The following XIAP variants were observed in gnomAD, a reference collection of about 807,000 sequenced individuals.
The protein encoded by XIAP is E3 ubiquitin-protein ligase XIAP.
XIAP carries 3 observed loss-of-function variants against 33.1 expected under a neutral mutation model. The observed-to-expected ratio is 0.09, with a 90% CI of 0.04 to 0.23. The LOEUF is 0.23. Ranked by LOEUF, XIAP falls within the 10% of genes least tolerant of loss-of-function variation. The pLI is 1.00. For missense variants in XIAP, 264 were observed against 363.0 expected (o/e 0.73, Z 2.22); for synonymous variants, 98 against 121.3 (o/e 0.81, Z 1.26).
intron 1 of XIAP, among the ~76,000 whole-genome samples, chrX:123,880,901 T>G (rs752261825): frequency 1.2e-3 from 137 of 110,560 alleles, no homozygotes; most frequent in African/African-American, 4.3e-3. Flanking sequence ...GTGGCTCTCT[T>G]TACGCAGTTG....
chrX:123,894,072 A>G (rs1054041101), intron 5 of XIAP, among the ~76,000 whole-genome samples: 27 of 111,953 alleles, frequency 2.4e-4, no homozygotes, highest in African/African-American at 7.8e-4. Flanking sequence ...GATAAGCCCT[A>G]ACCCACCTGC....
At chrX:123,902,311 A>G (rs1461976149) in intron 6 of XIAP, among the ~76,000 whole-genome samples, 1 of 110,949 alleles carries the variant, frequency 9.0e-6, no homozygotes, top group East Asian at 2.8e-4. Flanking sequence ...GGAGAGCCTA[A>G]GGGTTGGAAT....
At chrX:123,869,033 A>T (rs1049378371) in intron 1 of XIAP, among the ~76,000 whole-genome samples, 1 of 110,566 alleles carries the variant, frequency 9.0e-6, no homozygotes, top group African/African-American at 3.3e-5. Context: ...GTGAAAAGTC[A>T]CGTTTACCTG....
At chrX:123,871,795 C>T (rs753366453) in intron 1 of XIAP, among the ~76,000 whole-genome samples, 5 of 110,992 alleles carry the variant, frequency 4.5e-5, no homozygotes, top group Admixed American at 2.0e-4. Context: ...AATTTTTGCT[C>T]GTGAGTGTCT....
At position 123,900,655 on chromosome X, in the gene XIAP, G is replaced by A. The variant is rs1449553232; in HGVS notation, c.1262G>A (p.Ser421Asn). ...GATCTAGTGAATGCTCAGAAAGACA[G>A]TATGCAAGATGAGTCAAGTCAGACT... is the stretch of plus-strand genomic sequence containing the variant. ...VADLVNAQKDSMQDESSQTSL... is the reference protein window; with the variant it reads ...VADLVNAQKDNMQDESSQTSL... The change falls in exon 6 of 7, where the codon AGT becomes AAT. Residue 421 changes from serine (S) to asparagine (N), a missense_variant. Physicochemically the swap from Ser to Asn is conservative, Grantham distance 46. Coordinates refer to ENST00000371199, the MANE Select transcript of XIAP (RefSeq NM_001167.4). 4.1e-6 allele frequency: 5 copies of A among 1,211,638 alleles called. No homozygotes were observed. The highest frequency in any genetic ancestry group is 2.2e-5 in the Admixed American group (1 of 45,976).
chrX:123,874,153 A>G (rs967815226), intron 1 of XIAP, among the ~76,000 whole-genome samples: 1 of 111,887 alleles, frequency 8.9e-6, no homozygotes, highest in Non-Finnish European at 1.9e-5. Flanking sequence ...AGAGGGAGGA[A>G]GCATTGTCAC....
At chrX:123,861,381 T>C (rs1211981937) in intron 1 of XIAP, among the ~76,000 whole-genome samples, 2 of 111,657 alleles carry the variant, frequency 1.8e-5, no homozygotes, top group Non-Finnish European at 3.8e-5. Context: ...GGTACCACTT[T>C]CTATGTATTT....
chrX:123,900,411 A>T, intron 5 of XIAP, 82 bp from the exon 6 acceptor site: 1 of 855,390 alleles, frequency 1.2e-6, no homozygotes, highest in South Asian at 2.3e-5. Flanking sequence ...TTTCATTTTA[A>T]CTATATTTTG....
rs1421225922 is a variant in XIAP at position 123,884,096 on chromosome X, C to T, written c.-32-1535C>T. 4.5e-5 allele frequency among the ~76,000 whole-genome samples: 5 copies of T among 112,308 alleles called. No homozygotes were observed. The Admixed American group carries it at 4.8e-4, about 11-fold the overall frequency. On this transcript the variant is annotated intron_variant, in intron 1 of 6. Coordinates refer to ENST00000371199, the MANE Select transcript of XIAP (RefSeq NM_001167.4). The stretch of plus-strand genomic sequence containing the variant: ...AGGAAAGACTGAAGTCCATTGCCAG[C>T]TTGCTTTGTGTTGAACATTACTCCA...
At chrX:123,899,718 GT>G (rs34067902) in intron 5 of XIAP, among the ~76,000 whole-genome samples, 18,960 of 100,456 alleles carry the variant, frequency 0.19, 1,377 homozygotes, top group South Asian at 0.38. Context: ...TGTGGCAATA[GT>G]TTTTTTTTTT....
At chrX:123,898,456 G>A (rs1478738821) in intron 5 of XIAP, among the ~76,000 whole-genome samples, 1 of 111,234 alleles carries the variant, frequency 9.0e-6, no homozygotes, top group Non-Finnish European at 1.9e-5. Context: ...TCCACCTCCG[G>A]GGGTCACGCC....
chrX:123,887,158 A>T (rs1296536280), intron 2 of XIAP, among the ~76,000 whole-genome samples: 1 of 111,828 alleles, frequency 8.9e-6, no homozygotes, highest in East Asian at 2.8e-4. Flanking sequence ...ACCTCAGGTG[A>T]TCCACCCGCC....
intron 1 of XIAP, among the ~76,000 whole-genome samples, chrX:123,863,383 G>A (rs1006294735): frequency 5.4e-5 from 6 of 110,231 alleles, no homozygotes; most frequent in Non-Finnish European, 9.5e-5. Context: ...CCCATGAGGC[G>A]GAGGTTGCCG....
At position 123,885,970 on chromosome X, in the gene XIAP, C is replaced by T. The variant is rs749157868; in HGVS notation, c.308C>T (p.Thr103Met). Residue 103 changes from threonine to methionine, a missense_variant, in exon 2 of 7, where the codon ACG becomes ATG. Thr to Met is a moderately conservative substitution (Grantham distance 81). Transcript: ENST00000371199. ...INGFYLENSA[T>M]QSTNSGIQNG... is the part of the protein sequence containing the mutation. ...GGCTTTTATCTTGAAAATAGTGCCA[C>T]GCAGTCTACAAATTCTGGTATCCAG... is the stretch of plus-strand genomic sequence containing the variant. 1.9e-5 allele frequency: 23 copies of T among 1,210,110 alleles called. No homozygotes were observed. In the Admixed American group the frequency reaches 2.0e-4, roughly 10 times the overall value.
chrX:123,886,708 A>G (rs947776760), intron 2 of XIAP, among the ~76,000 whole-genome samples, 169 bp downstream of exon 2: 5 of 111,235 alleles, frequency 4.5e-5, no homozygotes, highest in African/African-American at 9.8e-5. Context: ...CCTGTAATGT[A>G]ACTACTGAAT....
chrX:123,895,653 A>T (rs752291296), intron 5 of XIAP, among the ~76,000 whole-genome samples: 6 of 110,889 alleles, frequency 5.4e-5, no homozygotes, highest in Non-Finnish European at 9.4e-5. Context: ...ATGGTATCTC[A>T]TTGTGGTTTT....
At position 123,907,686 on chromosome X, in the gene XIAP, C is replaced by G. The variant is rs946560322; in HGVS notation, c.*505C>G. On this transcript the variant is annotated 3_prime_UTR_variant, in exon 7 of 7. Transcript: ENST00000371199. ...TGGTTGTTGTGTTTTAGGATTCTGT[C>G]CATTTTCTTTTAAAGTTATAAACAC... 2.7e-6 allele frequency: 1 copy of G among 374,362 alleles called. No homozygotes were observed. The highest frequency in any genetic ancestry group is 2.5e-5 in the African/African-American group (1 of 39,943). The allele number at this position is 374,362 out of a possible 1,213,427, so 30.9% of individuals were successfully genotyped here.
At chrX:123,895,567 A>G (rs1236257146) in intron 5 of XIAP, among the ~76,000 whole-genome samples, 2 of 111,985 alleles carry the variant, frequency 1.8e-5, no homozygotes, top group Admixed American at 9.6e-5. Context: ...CATTCCTACC[A>G]GAAGTGTATG....
chrX:123,906,801 C>T (rs1337708956), intron 6 of XIAP, among the ~76,000 whole-genome samples, 187 bp from the exon 7 acceptor site: 2 of 112,085 alleles, frequency 1.8e-5, no homozygotes, highest in Non-Finnish European at 3.8e-5. Flanking sequence ...AACCTCCTAG[C>T]CTCATCTTAC....
Sources: gnomAD v4.1 joint callset for allele counts (sites outside exome capture counted in the v4.1 genomes callset) on GRCh38, gnomAD v4.1.1 for gene constraint, MANE v1.5 for transcripts, NCBI Gene and HGNC (gene_info 2026-07-23, HGNC 2026-07-21) for gene names.